HAUS7: variants seen among roughly 807,000 people sequenced by gnomAD.
The protein encoded by HAUS7 is HAUS augmin-like complex subunit 7.
Under a neutral mutation model 28.4 loss-of-function variants are expected in HAUS7, and 3 were observed. The ratio of observed to expected loss-of-function variants is 0.11; its 90% CI spans 0.05 to 0.27. The LOEUF is 0.27. Ranked by LOEUF, HAUS7 falls within the 10% of genes least tolerant of loss-of-function variation. HAUS7 has a pLI of 1.00. For synonymous variants in HAUS7, 165 were observed against 132.1 expected, an observed-to-expected ratio of 1.25 and a Z score of -1.71; for missense variants, 284 against 297.3, an observed-to-expected ratio of 0.96 and a Z score of 0.33.
chrX:153,469,028 G>A, intron 2 of HAUS7, 118 bp downstream of exon 2: 2 of 500,481 alleles, frequency 4.0e-6, no homozygotes, highest in South Asian at 5.8e-5. Flanking sequence ...AGGCTAGGGG[G>A]TGGAGCCCTC....
intron 9 of HAUS7, 31 bp downstream of exon 9, chrX:153,454,363 C>T: frequency 1.2e-6 from 1 of 860,465 alleles, no homozygotes; most frequent in Non-Finnish European, 1.7e-6. Flanking sequence ...GGGGCAGCCC[C>T]AGGCAGAGGG....
chrX:153,477,709 C>A (rs1323449584), intron 1 of HAUS7, among the ~76,000 whole-genome samples: 1 of 112,647 alleles, frequency 8.9e-6, no homozygotes, highest in Non-Finnish European at 1.9e-5. Context: ...GAGATGGTGG[C>A]CTCATCCCTG....
At chrX:153,474,411 C>A (rs1556985862), upstream of HAUS7, among the ~76,000 whole-genome samples, 1 of 111,921 alleles carries the variant, frequency 8.9e-6, no homozygotes, top group African/African-American at 3.2e-5. Context: ...ATCACCATCG[C>A]CTCCAGTGGG....
chrX:153,474,565 G>C (rs1413283053), upstream of HAUS7, among the ~76,000 whole-genome samples: 1 of 111,720 alleles, frequency 9.0e-6, no homozygotes, highest in South Asian at 3.7e-4. Context: ...GGCTGGCAGG[G>C]AGGCAGTGGC....
chrX:153,458,107 T>C (rs782081336), intron 4 of HAUS7, among the ~76,000 whole-genome samples: 97 of 113,362 alleles, frequency 8.6e-4, no homozygotes, highest in Non-Finnish European at 1.7e-3. Context: ...TTCTGGTGCA[T>C]TCCTCAGAAA....
At chrX:153,448,834 G>T (rs1331217400) in intron 9 of HAUS7, among the ~76,000 whole-genome samples, 1 of 112,487 alleles carries the variant, frequency 8.9e-6, no homozygotes, top group African/African-American at 3.2e-5. Flanking sequence ...CCAGGCCAGG[G>T]TCTGTTGACC....
At chrX:153,456,828 G>A (rs781847657) in intron 5 of HAUS7, 177 bp from the exon 6 acceptor site, 3 of 450,279 alleles carry the variant, frequency 6.7e-6, no homozygotes, top group African/African-American at 2.5e-5. Context: ...ATTTTTGCCC[G>A]CCTACCTACC....
intron 1 of HAUS7, among the ~76,000 whole-genome samples, chrX:153,493,457 G>A (rs1360779129): frequency 4.6e-4 from 52 of 112,029 alleles, no homozygotes; most frequent in Non-Finnish European, 9.4e-5. Flanking sequence ...GCCAAGAGTC[G>A]GACGCTGAGG....
At chrX:153,460,287 T>C (rs1172096199) in intron 4 of HAUS7, among the ~76,000 whole-genome samples, 3 of 111,198 alleles carry the variant, frequency 2.7e-5, no homozygotes, top group African/African-American at 9.8e-5. Context: ...TGGTTCAGGG[T>C]CTTTTGGGGG....
intron 1 of HAUS7, among the ~76,000 whole-genome samples, chrX:153,489,153 G>A (rs933050358): frequency 8.9e-6 from 1 of 112,395 alleles, no homozygotes; most frequent in African/African-American, 3.2e-5. Flanking sequence ...TGGGACAAGG[G>A]TGCTGTTTCC....
At chrX:153,485,647 G>A (rs782779144) in intron 1 of HAUS7, 160 of 335,194 alleles carry the variant, frequency 4.8e-4, no homozygotes, top group Non-Finnish European at 6.0e-4. Flanking sequence ...TTCGGGTTGC[G>A]GCTGCCATCT....
At chrX:153,491,964 C>A (rs1028590916) in intron 1 of HAUS7, among the ~76,000 whole-genome samples, 1 of 113,113 alleles carries the variant, frequency 8.8e-6, no homozygotes, top group Non-Finnish European at 1.9e-5. Flanking sequence ...GCAGTGGCAT[C>A]CCAGGGTCAC....
intron 9 of HAUS7, among the ~76,000 whole-genome samples, chrX:153,450,517 G>T (rs56330846): frequency 0.11 from 12,132 of 112,043 alleles, 1,443 homozygotes; most frequent in African/African-American, 0.36. Context: ...CGTCACCACT[G>T]CCGGGGTTGG....
At chrX:153,486,341 G>A (rs1556988534) in intron 1 of HAUS7, among the ~76,000 whole-genome samples, 3 of 112,902 alleles carry the variant, frequency 2.7e-5, no homozygotes, top group Non-Finnish European at 5.6e-5. Context: ...GTGCCCAGTG[G>A]CTGGCAGGCC....
Position 153,462,274 on chromosome X carries a change from C to T in HAUS7, c.354+336G>A, listed in dbSNP as rs572981561. Reference sequence around the variant, plus strand: ...GGGCCACAAGGGCTTGGGAGCCAGGCGCCGGGATGAATGAAGAATGAAGTC... The same window carrying T: ...GGGCCACAAGGGCTTGGGAGCCAGGTGCCGGGATGAATGAAGAATGAAGTC... On this transcript the variant is annotated intron_variant, in intron 4 of 9. Transcript: ENST00000370211. 4 of 677,908 alleles carry T rather than the reference C, an allele frequency of 5.9e-6. No individual in the cohort carries two copies. In the South Asian group the frequency reaches 3.0e-4, roughly 51 times the overall value. 55.9% of individuals were successfully genotyped at this position (677,908 alleles called of 1,213,427 possible). A position where few individuals can be genotyped will look rare whatever the true frequency, so the allele number is the denominator to read the frequency against.
chrX:153,466,870 G>A (rs781921447), intron 2 of HAUS7, among the ~76,000 whole-genome samples: 2 of 112,320 alleles, frequency 1.8e-5, no homozygotes, highest in African/African-American at 6.5e-5. Context: ...TTGAGATTTC[G>A]GATTTTCAGA....
At chrX:153,457,701 C>T (rs1009237131) in intron 4 of HAUS7, among the ~76,000 whole-genome samples, 3 of 113,111 alleles carry the variant, frequency 2.7e-5, no homozygotes, top group Admixed American at 1.8e-4. Context: ...CGTTCCAGCC[C>T]GGAAGGCCCA....
At position 153,457,167 on chromosome X, in the gene HAUS7, C is replaced by A. The variant is rs1270946340; in HGVS notation, c.416G>T (p.Ser139Ile). The change falls in exon 5 of 10, where the codon AGC (serine) becomes ATC (isoleucine). Residue 139 changes from serine to isoleucine, a missense_variant. Coordinates refer to ENST00000370211, the MANE Select transcript of HAUS7 (RefSeq NM_001385482.1). Reference protein sequence around the residue: ...FMDQLLDTIRSLTIGCSSCSS... With the variant: ...FMDQLLDTIRILTIGCSSCSS... ...GCAACTGGAGCACCCAATGGTCAGG[C>A]TCCGGATGGTATCGAGCAACTGGTC... 3 of 1,202,268 alleles carry A rather than the reference C, an allele frequency of 2.5e-6. No homozygotes were observed. The highest frequency in any genetic ancestry group is 1.7e-5 in the African/African-American group (1 of 57,401).
At chrX:153,463,956 C>G (rs1556983877) in intron 3 of HAUS7, among the ~76,000 whole-genome samples, 2 of 112,885 alleles carry the variant, frequency 1.8e-5, no homozygotes, top group Non-Finnish European at 3.7e-5. Context: ...TCTCTCCCCG[C>G]TAGCACGCAA....
Sources: gnomAD v4.1 joint callset for allele counts (sites outside exome capture counted in the v4.1 genomes callset) on GRCh38, gnomAD v4.1.1 for gene constraint, MANE v1.5 for transcripts, NCBI Gene and HGNC (gene_info 2026-07-23, HGNC 2026-07-21) for gene names.